Variants in IRS2 observed in about 807,000 individuals in gnomAD.
The protein encoded by IRS2 is insulin receptor substrate 2.
IRS2 carries 28 observed loss-of-function variants against 70.9 expected under a neutral mutation model. The ratio of observed to expected loss-of-function variants is 0.39; its 90% CI spans 0.29 to 0.54. IRS2 has a LOEUF of 0.54. IRS2 is among the 20% of genes least tolerant of loss of function. IRS2 has a pLI of 0.59. For missense variants in IRS2, 2,081 were observed against 2,024.1 expected (o/e 1.03, Z -0.54); for synonymous variants, 1,217 against 981.9 (o/e 1.24, Z -4.48).
Position 109,754,960 on chromosome 13 carries a change from A to G in IRS2, c.*1344T>C, listed in dbSNP as rs925143933. The G allele has an allele frequency of 2.2e-5, 5 of 224,864 alleles. No homozygotes were observed. The highest frequency in any genetic ancestry group is 3.5e-5 in the Non-Finnish European group (4 of 112,848). The allele number at this position is 224,864 out of a possible 1,614,324, so 13.9% of individuals were successfully genotyped here. A position where few individuals can be genotyped will look rare whatever the true frequency, so the allele number is the denominator to read the frequency against. ...AGCCCCCACGGGAGGAGAGGTCGAC[A>G]GCCCTCCAATCAAGTGTCGAGGGAG... On this transcript the variant is annotated 3_prime_UTR_variant, in exon 2 of 2. Coordinates refer to ENST00000375856, the MANE Select transcript of IRS2 (RefSeq NM_003749.3).
Position 109,784,803 on chromosome 13 carries a change from C to T in IRS2, c.1251G>A (p.Ala417=). The T allele has an allele frequency of 1.6e-6, 2 of 1,274,576 alleles. No homozygotes were observed. The highest frequency in any genetic ancestry group is 2.2e-5 in the South Asian group (1 of 45,856). The allele number at this position is 1,274,576 out of a possible 1,614,324, so 79.0% of individuals were successfully genotyped here. A position where few individuals can be genotyped will look rare whatever the true frequency, so the allele number is the denominator to read the frequency against. ...GCAGCGCGCCCCCTGCCGGCAGCAG[C>T]GCCACCTTGCTCCCGCGGCCGCCGC... is the stretch of plus-strand genomic sequence containing the variant. ...GGCGGRGSKV[A]LLPAGGALQH... is the part of the protein sequence containing the mutation. Residue 417 remains alanine, a synonymous_variant, in exon 1 of 2, where the codon GCG becomes GCA. Transcript: ENST00000375856. The surrounding 1 kb of genome is among the most constrained non-coding windows in gnomAD (Gnocchi z 5.2).
At chr13:109,776,924 T>G (rs1354699932) in intron 1 of IRS2, among the ~76,000 whole-genome samples, 1 of 152,156 alleles carries the variant, frequency 6.6e-6, no homozygotes, top group East Asian at 1.9e-4. Context: ...ACAAAAATCA[T>G]GATCTGACAG....
At chr13:109,763,633 G>A (rs1036164952) in intron 1 of IRS2, among the ~76,000 whole-genome samples, 1 of 152,114 alleles carries the variant, frequency 6.6e-6, no homozygotes, top group Non-Finnish European at 1.5e-5. Flanking sequence ...AGAGTATTTG[G>A]GCCAAGTGAT....
At chr13:109,758,359 A>C (rs979759823) in intron 1 of IRS2, among the ~76,000 whole-genome samples, 6 of 152,366 alleles carry the variant, frequency 3.9e-5, no homozygotes, top group African/African-American at 1.4e-4. Flanking sequence ...TGACACTAAC[A>C]ATTAGCTAAA....
At chr13:109,767,537 G>A (rs1056785829) in intron 1 of IRS2, among the ~76,000 whole-genome samples, 1 of 152,050 alleles carries the variant, frequency 6.6e-6, no homozygotes, top group African/African-American at 2.4e-5. Context: ...AGGCCTTTAA[G>A]AATGGATTCA....
In IRS2 at chr13:109,782,616, G is replaced by A. The variant is rs1223350759; in HGVS notation, c.3438C>T (p.Arg1146=). Residue 1146 remains arginine, a synonymous_variant, in exon 1 of 2, where the codon CGC becomes CGT. Coordinates refer to ENST00000375856, the MANE Select transcript of IRS2 (RefSeq NM_003749.3). Reference sequence around the variant, plus strand: ...TGGAGGAGAAGGTCTCGGAACTGTGGCGGCGGCGGCCCCCCTGCGGGTCTG... The same window carrying A: ...TGGAGGAGAAGGTCTCGGAACTGTGACGGCGGCGGCCCCCCTGCGGGTCTG... ...IRADPQGGRR[R]HSSETFSSTT... 1 of 1,577,536 alleles carries A rather than the reference G, an allele frequency of 6.3e-7. No individual in the cohort carries two copies. Among genetic ancestry groups the A allele is most frequent in the Non-Finnish European group, 8.6e-7 (1 of 1,163,070 alleles).
At chr13:109,773,822 AT>A (rs1304133824) in intron 1 of IRS2, among the ~76,000 whole-genome samples, 1 of 152,240 alleles carries the variant, frequency 6.6e-6, no homozygotes, top group East Asian at 1.9e-4. Context: ...ATTTCCACAA[AT>A]ACTAAGTTGT....
In IRS2 at chr13:109,785,860, C is replaced by T. The variant is rs1293916243; in HGVS notation, c.194G>A (p.Gly65Glu). ...AGGDEATAGG[G>E]SAPQPPRLEY... ...GAGCCGCGGCGGTTGCGGCGCCGACCCCCCGCCCGCCGTCGCCTCGTCGCC... is the reference window on the plus strand; with the variant it reads ...GAGCCGCGGCGGTTGCGGCGCCGACTCCCCGCCCGCCGTCGCCTCGTCGCC... Residue 65 changes from glycine to glutamate, a missense_variant, in exon 1 of 2, where the codon GGG becomes GAG. Around this residue, in one of 4 missense-constraint regions of IRS2, gnomAD observed 320 missense variants for 352.9 expected, o/e 0.91. Coordinates refer to ENST00000375856, the MANE Select transcript of IRS2 (RefSeq NM_003749.3). The surrounding 1 kb of genome is among the most constrained non-coding windows in gnomAD (Gnocchi z 9.3). 6.6e-7 allele frequency: 1 copy of T among 1,512,464 alleles called. No homozygotes were observed. The highest frequency in any genetic ancestry group is 8.8e-7 in the Non-Finnish European group (1 of 1,135,062). 93.7% of individuals were successfully genotyped at this position (1,512,464 alleles called of 1,614,324 possible). A position where few individuals can be genotyped will look rare whatever the true frequency, so the allele number is the denominator to read the frequency against.
intron 1 of IRS2, among the ~76,000 whole-genome samples, chr13:109,769,603 C>T (rs1877409244): frequency 6.6e-6 from 1 of 152,214 alleles, no homozygotes; most frequent in Admixed American, 6.5e-5. Context: ...TCTCCCTTCC[C>T]TGCTTCATTG....
At chr13:109,766,817 T>C (rs9301410) in intron 1 of IRS2, among the ~76,000 whole-genome samples, 113,567 of 116,730 alleles carry the variant, frequency 0.97, 55,383 homozygotes, top group East Asian at 1. Flanking sequence ...ACCTTGGCTC[T>C]GACTCCCCTG....
At position 109,782,936 on chromosome 13, in the gene IRS2, C is replaced by G. The variant is rs997942200; in HGVS notation, c.3118G>C (p.Glu1040Gln). ...QPPPPPPAPG[E>Q]LYRLPPASAV... The stretch of plus-strand genomic sequence containing the variant: ...GAGGCGGGGGGCAGGCGGTACAGCT[C>G]CCCCGGGGCCGGCGGCGGTGGCGGC... The change falls in exon 1 of 2, where the codon GAG (glutamate) becomes CAG (glutamine). Residue 1040 changes from glutamate to glutamine, a missense_variant. Glu to Gln is a conservative substitution (Grantham distance 29). Coordinates refer to ENST00000375856, the MANE Select transcript of IRS2 (RefSeq NM_003749.3). 27 of 1,472,500 alleles carry G rather than the reference C, an allele frequency of 1.8e-5. No homozygotes were observed. Among genetic ancestry groups the G allele is most frequent in the Admixed American group, 2.7e-5 (1 of 36,530 alleles). The allele number at this position is 1,472,500 out of a possible 1,614,324, so 91.2% of individuals were successfully genotyped here.
intron 1 of IRS2, among the ~76,000 whole-genome samples, chr13:109,774,819 G>A (rs1877535743): frequency 1.3e-5 from 2 of 152,100 alleles, no homozygotes; most frequent in Non-Finnish European, 2.9e-5. Flanking sequence ...ACTATAAAGG[G>A]AAGAAAAACA....
intron 1 of IRS2, among the ~76,000 whole-genome samples, chr13:109,760,242 A>G (rs1233221785): frequency 6.6e-6 from 1 of 152,228 alleles, no homozygotes; most frequent in Non-Finnish European, 1.5e-5. Flanking sequence ...GATTTTCTGA[A>G]TTCATCAGCT....
At position 109,785,960 on chromosome 13, in the gene IRS2, G is replaced by A. The variant is rs2138939715; in HGVS notation, c.94C>T (p.Arg32Cys). 1.3e-6 allele frequency: 2 copies of A among 1,497,952 alleles called. No homozygotes were observed. Among genetic ancestry groups the A allele is most frequent in the Non-Finnish European group, 1.8e-6 (2 of 1,129,526 alleles). The allele number at this position is 1,497,952 out of a possible 1,614,324, so 92.8% of individuals were successfully genotyped here. A position where few individuals can be genotyped will look rare whatever the true frequency, so the allele number is the denominator to read the frequency against. The change falls in exon 1 of 2, where the codon CGC (arginine) becomes TGC (cysteine). Residue 32 changes from arginine (R) to cysteine (C), a missense_variant. By Grantham distance (180) the Arg-to-Cys change is radical. This residue lies in a region of IRS2 where 320 missense variants were observed against 352.9 expected (regional missense o/e 0.91). Transcript: ENST00000375856. This position sits in a 1 kb window ranked among gnomAD's most constrained non-coding sequence, Gnocchi z 9.3. ...NNNNNNNHSVRKCGYLRKQKH... is the reference protein window; with the variant it reads ...NNNNNNNHSVCKCGYLRKQKH... ...TGCTTGCGCAGGTAGCCGCACTTGC[G>A]CACGCTGTGGTTGTTGTTGTTGTTG...
At position 109,784,245 on chromosome 13, in the gene IRS2, G is replaced by A. The variant is rs1253368484; in HGVS notation, c.1809C>T (p.Ala603=). The A allele has an allele frequency of 1.9e-6, 3 of 1,577,982 alleles. No individual in the cohort carries two copies. Among genetic ancestry groups the A allele is most frequent in the African/African-American group, 2.7e-5 (2 of 74,166 alleles). ...ASLDEYTLMR[A]TFSGSAGRLC... Reference sequence around the variant, plus strand: ...GGCGGCCCGCGCTGCCCGAGAAGGTGGCCCGCATCAGGGTGTATTCATCCA... The same window carrying A: ...GGCGGCCCGCGCTGCCCGAGAAGGTAGCCCGCATCAGGGTGTATTCATCCA... Residue 603 remains alanine (A), a synonymous_variant, in exon 1 of 2, where the codon GCC becomes GCT. Transcript: ENST00000375856. The surrounding 1 kb of genome is among the most constrained non-coding windows in gnomAD (Gnocchi z 5.2).
At chr13:109,780,537 C>T (rs1877673232) in intron 1 of IRS2, among the ~76,000 whole-genome samples, 1 of 152,198 alleles carries the variant, frequency 6.6e-6, no homozygotes, top group South Asian at 2.1e-4. Flanking sequence ...CTCTATTACA[C>T]TAGAATAACA....
intron 1 of IRS2, among the ~76,000 whole-genome samples, chr13:109,763,065 G>C (rs1422036920): frequency 4.6e-5 from 7 of 152,168 alleles, no homozygotes; most frequent in Non-Finnish European, 1.0e-4. Flanking sequence ...GAGTGGAGCA[G>C]CTGTGACAGA....
At chr13:109,762,475 G>A (rs547055792) in intron 1 of IRS2, among the ~76,000 whole-genome samples, 22 of 152,178 alleles carry the variant, frequency 1.4e-4, no homozygotes, top group Non-Finnish European at 1.8e-4. Context: ...CTCCCCTTTG[G>A]TGACAATGAG....
At chr13:109,768,748 G>C (rs1336563395) in intron 1 of IRS2, among the ~76,000 whole-genome samples, 1 of 151,972 alleles carries the variant, frequency 6.6e-6, no homozygotes, top group African/African-American at 2.4e-5. Flanking sequence ...TGTGTTACCA[G>C]AAGATACAGA....
Sources: allele counts gnomAD v4.1 joint callset (sites outside exome capture counted in the v4.1 genomes callset), GRCh38; gene constraint gnomAD v4.1.1; regional missense constraint gnomAD v4.1.1; non-coding constraint Gnocchi (gnomAD v3.1); transcripts MANE v1.5; gene names NCBI Gene and HGNC (gene_info 2026-07-23, HGNC 2026-07-21).